The following SETX variants were observed in gnomAD, a reference collection of about 807,000 sequenced individuals.
The protein encoded by SETX is senataxin.
Under a neutral mutation model 227.2 loss-of-function variants are expected in SETX, and 90 were observed. The observed-to-expected ratio is 0.40, with a 90% CI of 0.33 to 0.47. SETX has a LOEUF of 0.47. SETX is among the 20% of genes least tolerant of loss of function. SETX has a pLI of 0.91. For synonymous variants in SETX, 1,210 were observed against 1,113.2 expected (o/e 1.09, Z -1.73); for missense variants, 3,052 against 3,181.5 (o/e 0.96, Z 0.98).
At chr9:132,300,564 T>G in intron 12 of SETX, 66 bp downstream of exon 12, 42 of 1,520,384 alleles carry the variant, frequency 2.8e-5, no homozygotes, top group Non-Finnish European at 3.3e-5. Context: ...TATACACAAT[T>G]GAGAAGTAGA....
At chr9:132,289,143 G>A (rs1844127280) in intron 15 of SETX, among the ~76,000 whole-genome samples, 1 of 152,164 alleles carries the variant, frequency 6.6e-6, no homozygotes, top group Non-Finnish European at 1.5e-5. Context: ...TTGCCATCAT[G>A]TTCCCATGAC....
At chr9:132,275,167 CCTT>C in intron 23 of SETX, 86 bp downstream of exon 23, 1 of 1,421,874 alleles carries the variant, frequency 7.0e-7, no homozygotes. Flanking sequence ...ACAGACCACT[CCTT>C]AAGAGTTTCC....
intron 20 of SETX, among the ~76,000 whole-genome samples, chr9:132,278,745 A>G (rs942012127): frequency 6.6e-6 from 1 of 152,180 alleles, no homozygotes; most frequent in African/African-American, 2.4e-5. Flanking sequence ...ACCCAAAAAA[A>G]CCAGTAATAA....
At chr9:132,336,570 CAA>C in intron 5 of SETX, 55 bp from the exon 6 acceptor site, 1 of 1,251,036 alleles carries the variant, frequency 8.0e-7, no homozygotes, top group African/African-American at 1.5e-5. Flanking sequence ...CTACAAACAG[CAA>C]GAACACAGAA....
intron 9 of SETX, 65 bp downstream of exon 9, chr9:132,330,987 T>C: frequency 7.9e-7 from 1 of 1,268,102 alleles, no homozygotes; most frequent in Non-Finnish European, 1.2e-6. Flanking sequence ...CAACAAATTA[T>C]ACAAAATAGT....
At position 132,328,823 on chromosome 9, in the gene SETX, C is replaced by T; in HGVS notation, c.2775G>A (p.Glu925=). ...DLMTVPESRD[E]EMSNSTSVIY... is the part of the protein sequence containing the mutation. ...TCACACTGGTACTATTACTCATCTC[C>T]TCATCTCTTGATTCAGGTACAGTCA... is the stretch of plus-strand genomic sequence containing the variant. The change falls in exon 10 of 26, where the codon GAG becomes GAA. Residue 925 remains glutamate, a synonymous_variant. Transcript: ENST00000224140. 6.2e-7 allele frequency: 1 copy of T among 1,612,830 alleles called. No individual in the cohort carries two copies. The highest frequency in any genetic ancestry group is 8.5e-7 in the Non-Finnish European group (1 of 1,179,600).
At chr9:132,284,885 T>G (rs1843752163) in intron 18 of SETX, among the ~76,000 whole-genome samples, 1 of 145,222 alleles carries the variant, frequency 6.9e-6, no homozygotes. Context: ...TTTTTTGTTG[T>G]TTTTTTTTTT....
chr9:132,302,539 A>T (rs992417899), intron 11 of SETX, among the ~76,000 whole-genome samples: 1 of 150,690 alleles, frequency 6.6e-6, no homozygotes, highest in Non-Finnish European at 1.5e-5. Context: ...AGGCGCCTGT[A>T]ATCCCAGCTA....
At position 132,328,770 on chromosome 9, in the gene SETX, G is replaced by T; in HGVS notation, c.2828C>A (p.Ala943Asp). Residue 943 changes from alanine (A) to aspartate (D), a missense_variant, in exon 10 of 26, where the codon GCC (alanine) becomes GAC (aspartate). Transcript: ENST00000224140. ...VIYSNLTREQ[A>D]PDISPKSDTL... is the part of the protein sequence containing the mutation. The stretch of plus-strand genomic sequence containing the variant: ...GTCAGATTTAGGACTGATGTCAGGG[G>T]CCTGTTCTCTTGTCAAGTTAGAATA... The T allele has an allele frequency of 1.2e-6, 2 of 1,610,974 alleles. No homozygotes were observed. Among genetic ancestry groups the T allele is most frequent in the Non-Finnish European group, 1.7e-6 (2 of 1,178,864 alleles).
intron 25 of SETX, chr9:132,266,140 C>T (rs1842638763): frequency 6.6e-6 from 1 of 152,334 alleles, no homozygotes; most frequent in Non-Finnish European, 1.5e-5. Context: ...CTCATGGGGG[C>T]TCCTGTACTG....
At chr9:132,293,896 C>T (rs1249598642) in intron 15 of SETX, among the ~76,000 whole-genome samples, 4 of 151,654 alleles carry the variant, frequency 2.6e-5, no homozygotes, top group Non-Finnish European at 4.4e-5. Context: ...TTGTGGCGGG[C>T]GCCTATAGTC....
chr9:132,318,368 A>G (rs970200963), intron 10 of SETX, among the ~76,000 whole-genome samples: 6 of 152,158 alleles, frequency 3.9e-5, no homozygotes, highest in Non-Finnish European at 8.8e-5. Flanking sequence ...TTTCTCTTAT[A>G]GTGACTACAC....
intron 10 of SETX, among the ~76,000 whole-genome samples, chr9:132,318,366 A>C (rs1014279898): frequency 3.9e-5 from 6 of 152,150 alleles, no homozygotes; most frequent in Admixed American, 2.6e-4. Context: ...CTTTTCTCTT[A>C]TAGTGACTAC....
rs1843647855 is a variant in SETX, at chr9:132,283,309, G to A, written c.6501C>T (p.Phe2167=). The change falls in exon 19 of 26, where the codon TTC becomes TTT. Residue 2167 remains phenylalanine (F), a synonymous_variant. Coordinates refer to ENST00000224140, the MANE Select transcript of SETX (RefSeq NM_015046.7). ...TSGGLLLESA[F]RGQGGVPFSC... is the part of the protein sequence containing the mutation. ...TGAAGGGGACACCCCCTTGCCCACGGAAAGCAGACTCAAGTAGTAAACCAC... is the reference window on the plus strand; with the variant it reads ...TGAAGGGGACACCCCCTTGCCCACGAAAAGCAGACTCAAGTAGTAAACCAC... 6.2e-7 allele frequency: 1 copy of A among 1,614,166 alleles called. No individual in the cohort carries two copies. Among genetic ancestry groups the A allele is most frequent in the South Asian group, 1.1e-5 (1 of 91,088 alleles).
chr9:132,343,161 T>C (rs1045772807), intron 4 of SETX, among the ~76,000 whole-genome samples: 1 of 151,784 alleles, frequency 6.6e-6, no homozygotes, highest in East Asian at 1.9e-4. Context: ...CTACTAAAAA[T>C]ACAAAAAATT....
chr9:132,278,119 A>G lies in SETX; in HGVS notation c.6793T>C (p.Cys2265Arg). Reference sequence around the variant, plus strand: ...TAAACATAATTAGAAGGGAAGAGGCATATGTCTGGATGCATCCTGTACTGA... The same window carrying G: ...TAAACATAATTAGAAGGGAAGAGGCGTATGTCTGGATGCATCCTGTACTGA... Reference protein sequence around the residue: ...TVQYRMHPDICLFPSNYVYNR... With the variant: ...TVQYRMHPDIRLFPSNYVYNR... The change falls in exon 21 of 26, where the codon TGC (cysteine) becomes CGC (arginine). Residue 2265 changes from cysteine to arginine, a missense_variant. Physicochemically the swap from Cys to Arg is radical, Grantham distance 180. Around this residue, in one of 10 missense-constraint regions of SETX, gnomAD observed 412 missense variants for 589.0 expected, o/e 0.70. Transcript: ENST00000224140. 1.9e-6 allele frequency: 3 copies of G among 1,614,150 alleles called. No homozygotes were observed. Among genetic ancestry groups the G allele is most frequent in the Non-Finnish European group, 2.5e-6 (3 of 1,180,004 alleles).
upstream of SETX, among the ~76,000 whole-genome samples, chr9:132,355,558 T>G (rs62576494): frequency 0.8 from 121,596 of 151,910 alleles, 49,173 homozygotes; most frequent in Non-Finnish European, 0.86. Context: ...AGTAAATCCC[T>G]CGCTGGTGCG....
intron 17 of SETX, 105 bp from the exon 18 acceptor site, chr9:132,286,599 A>G (rs1434701328): frequency 7.4e-6 from 6 of 807,334 alleles, no homozygotes; most frequent in Non-Finnish European, 1.3e-5. Context: ...TCACCAATGA[A>G]AAATGTATTT....
At chr9:132,321,383 G>A (rs562484122) in intron 10 of SETX, among the ~76,000 whole-genome samples, 5 of 152,244 alleles carry the variant, frequency 3.3e-5, no homozygotes, top group Admixed American at 1.3e-4. Context: ...AGGGCTGGGC[G>A]CGGTAGCTCA....
Sources: allele counts gnomAD v4.1 joint callset (sites outside exome capture counted in the v4.1 genomes callset), GRCh38; gene constraint gnomAD v4.1.1; regional missense constraint gnomAD v4.1.1; transcripts MANE v1.5; gene names NCBI Gene and HGNC (gene_info 2026-07-23, HGNC 2026-07-21).